Variants in BLTP1 observed in about 807,000 individuals in gnomAD.
BLTP1 encodes bridge-like lipid transfer protein family member 1, also known as fragile site-associated protein.
At chr4:122,219,177 C>A in the BLTP1 span, 1 of 981,452 alleles carries the variant, frequency 1.0e-6, no homozygotes, top group Non-Finnish European at 1.2e-6. Flanking sequence ...ATGTGTAAGT[C>A]TTAACATATG....
At chr4:122,244,972 T>C in the BLTP1 span, 1 of 1,591,002 alleles carries the variant, frequency 6.3e-7, no homozygotes, top group Non-Finnish European at 8.6e-7. Context: ...AACTAAGTTG[T>C]AGAATCAACG....
At chr4:122,175,902 CAG>C in the BLTP1 span, 1 of 1,479,548 alleles carries the variant, frequency 6.8e-7, no homozygotes, top group Non-Finnish European at 9.4e-7. Flanking sequence ...TAACCCAAAA[CAG>C]AAGCAACATG....
the BLTP1 span, chr4:122,183,381 A>G: frequency 1.7e-5 from 16 of 959,288 alleles, no homozygotes; most frequent in Non-Finnish European, 1.9e-5. Context: ...TACATTCTGC[A>G]CTCTAGAAAT....
the BLTP1 span, chr4:122,172,137 A>G: frequency 1.4e-5 from 4 of 288,622 alleles, no homozygotes; most frequent in Non-Finnish European, 2.1e-5. Context: ...AGCTATTACC[A>G]TCAATCTAAG....
At chr4:122,240,480 T>A in the BLTP1 span, 2 of 727,392 alleles carry the variant, frequency 2.7e-6, no homozygotes, top group Non-Finnish European at 4.5e-6. Flanking sequence ...TCTGAAGCCA[T>A]AGCTTTATGT....
At chr4:122,178,699 T>G in the BLTP1 span, among the ~76,000 whole-genome samples, 1 of 152,162 alleles carries the variant, frequency 6.6e-6, no homozygotes, top group East Asian at 1.9e-4. Context: ...TTTATTCCAT[T>G]ATTATCTCAT....
At chr4:122,284,445 A>G in the BLTP1 span, among the ~76,000 whole-genome samples, 2 of 152,200 alleles carry the variant, frequency 1.3e-5, no homozygotes, top group African/African-American at 4.8e-5. Context: ...TCTATGAAGA[A>G]TTATTGGTAA....
the BLTP1 span, among the ~76,000 whole-genome samples, chr4:122,175,566 A>G: frequency 2.6e-5 from 4 of 152,314 alleles, no homozygotes; most frequent in East Asian, 5.8e-4. Flanking sequence ...TAATTAGAAG[A>G]ATATGATATT....
chr4:122,238,591 C>A, the BLTP1 span, among the ~76,000 whole-genome samples: 1 of 152,204 alleles, frequency 6.6e-6, no homozygotes, highest in African/African-American at 2.4e-5. Context: ...AGTTTCTTGT[C>A]ATCCCACCAC....
chr4:122,308,145 C>T, the BLTP1 span: 1 of 1,613,238 alleles, frequency 6.2e-7, no homozygotes, highest in East Asian at 2.2e-5. Flanking sequence ...GCCTACCTAT[C>T]ACAAATACTG....
chr4:122,246,055 A>T, the BLTP1 span: 1 of 1,303,798 alleles, frequency 7.7e-7, no homozygotes, highest in Non-Finnish European at 1.0e-6. Flanking sequence ...GCACATAGAT[A>T]GGCATAGAGG....
chr4:122,247,625 G>C, the BLTP1 span: 1 of 1,203,486 alleles, frequency 8.3e-7, no homozygotes, highest in Non-Finnish European at 1.1e-6. Context: ...TATTTCCCAT[G>C]TGTTTTTTCC....
the BLTP1 span, among the ~76,000 whole-genome samples, chr4:122,222,441 G>T: frequency 2.6e-5 from 4 of 152,232 alleles, no homozygotes; most frequent in East Asian, 7.7e-4. Flanking sequence ...GTCATCTTAT[G>T]TATTAATTTC....
chr4:122,335,088 G>A, the BLTP1 span, among the ~76,000 whole-genome samples: 2 of 151,882 alleles, frequency 1.3e-5, no homozygotes, highest in Non-Finnish European at 2.9e-5. Flanking sequence ...CTTGACTGGG[G>A]CTGAAACATC....
chr4:122,294,199 G>A, the BLTP1 span, among the ~76,000 whole-genome samples: 3 of 152,170 alleles, frequency 2.0e-5, no homozygotes, highest in African/African-American at 4.8e-5. Context: ...GGAGAGTCCC[G>A]GTGGTCTGGA....
the BLTP1 span, chr4:122,237,232 T>C: frequency 1.0e-6 from 1 of 985,416 alleles, no homozygotes; most frequent in Non-Finnish European, 1.2e-6. Context: ...GAGGGGGAAG[T>C]TGAGCAAGAG....
the BLTP1 span, among the ~76,000 whole-genome samples, chr4:122,173,843 A>G: frequency 2.0e-5 from 3 of 152,110 alleles, no homozygotes; most frequent in African/African-American, 7.2e-5. Context: ...AAAAACTTGG[A>G]TATGTATTAA....
the BLTP1 span, chr4:122,238,065 C>A: frequency 6.2e-7 from 1 of 1,602,696 alleles, no homozygotes; most frequent in South Asian, 1.1e-5. Context: ...TTTGTGTGTT[C>A]ACTTAACCCA....
At chr4:122,325,663 C>A in the BLTP1 span, 1 of 1,061,132 alleles carries the variant, frequency 9.4e-7, no homozygotes. Flanking sequence ...TATTGATACT[C>A]ATTTATGTAT....
Sources: gnomAD v4.1 joint callset for allele counts (sites outside exome capture counted in the v4.1 genomes callset) on GRCh38, gnomAD v4.1.1 for gene constraint, MANE v1.5 for transcripts, NCBI Gene and HGNC (gene_info 2026-07-23, HGNC 2026-07-21) for gene names.